Variants in SLTM observed in about 807,000 individuals in gnomAD.
SLTM encodes SAFB-like transcription modulator.
A neutral mutation model predicts 134.6 loss-of-function variants in SLTM; 43 were observed. The observed-to-expected ratio is 0.32, with a 90% CI of 0.25 to 0.41. SLTM has a LOEUF of 0.41. Among genes scored for constraint, SLTM ranks in the 10% least tolerant of loss-of-function variants. The pLI is 1.00. For missense variants in SLTM, 1,055 were observed against 1,288.8 expected, an observed-to-expected ratio of 0.82 and a Z score of 2.78; for synonymous variants, 424 against 432.3, an observed-to-expected ratio of 0.98 and a Z score of 0.24.
chr15:58,892,462 C>T (rs2140986839), intron 14 of SLTM, among the ~76,000 whole-genome samples: 1 of 152,306 alleles, frequency 6.6e-6, no homozygotes, highest in South Asian at 2.1e-4. Context: ...TATTTGAACA[C>T]TGTAGCTACT....
At chr15:58,926,207 G>C (rs1648107984) in intron 2 of SLTM, among the ~76,000 whole-genome samples, 1 of 152,124 alleles carries the variant, frequency 6.6e-6, no homozygotes, top group Admixed American at 6.5e-5. Flanking sequence ...ACTAAGACAA[G>C]TGAATCTATT....
chr15:58,930,745 AC>A (rs2037820082), intron 2 of SLTM, among the ~76,000 whole-genome samples: 1 of 148,310 alleles, frequency 6.7e-6, no homozygotes, highest in South Asian at 2.1e-4. Context: ...ATATATATAC[AC>A]CTATATATAA....
intron 14 of SLTM, among the ~76,000 whole-genome samples, chr15:58,890,903 T>C (rs115760510): frequency 1.5e-3 from 234 of 152,340 alleles, no homozygotes; most frequent in African/African-American, 5.3e-3. Flanking sequence ...TTTGGGATCA[T>C]AACAATGAAC....
intron 4 of SLTM, 145 bp from the exon 5 acceptor site, chr15:58,912,755 T>A (rs149366429): frequency 4.3e-4 from 266 of 616,956 alleles, no homozygotes; most frequent in African/African-American, 3.5e-3. Context: ...TGCTTAATAT[T>A]CAGACTATAT....
intron 20 of SLTM, among the ~76,000 whole-genome samples, chr15:58,880,970 A>C (rs2033650510): frequency 6.6e-6 from 1 of 152,170 alleles, no homozygotes; most frequent in Admixed American, 6.5e-5. Context: ...TTTATGTGTA[A>C]TGCAACAGAG....
intron 2 of SLTM, among the ~76,000 whole-genome samples, chr15:58,928,322 A>T (rs2037627167): frequency 6.6e-6 from 1 of 152,190 alleles, no homozygotes; most frequent in Admixed American, 6.5e-5. Flanking sequence ...CTGTTTAACT[A>T]CTTTTTAAAC....
At position 58,932,388 on chromosome 15, in the gene SLTM, T is replaced by C; in HGVS notation, c.218A>G (p.Asp73Gly). 6.2e-7 allele frequency: 1 copy of C among 1,613,658 alleles called. No homozygotes were observed. The highest frequency in any genetic ancestry group is 8.5e-7 in the Non-Finnish European group (1 of 1,179,598). The change falls in exon 2 of 21, where the codon GAT (aspartate) becomes GGT (glycine). Residue 73 changes from aspartate (D) to glycine (G), a missense_variant. Asp to Gly is a moderately conservative substitution (Grantham distance 94). This residue lies in a region of SLTM where 268 missense variants were observed against 284.3 expected (regional missense o/e 0.94). Coordinates refer to ENST00000380516, the MANE Select transcript of SLTM (RefSeq NM_024755.4). ...PDNIELTVST[D>G]TPNKKPTKGK... ...TTTAGTTGGTTTCTTGTTTGGAGTA[T>C]CAGTTGAAACAGTTAATTCAATATT... is the stretch of plus-strand genomic sequence containing the variant.
chr15:58,894,710 T>TTG (rs1555447374), intron 9 of SLTM, 128 bp from the exon 10 acceptor site: 102 of 927,512 alleles, frequency 1.1e-4, no homozygotes, highest in Non-Finnish European at 1.1e-4. Flanking sequence ...CTCATGTTTT[T>TTG]TTTTTTTTTT....
intron 2 of SLTM, 110 bp from the exon 3 acceptor site, chr15:58,917,109 A>G: frequency 1.0e-6 from 1 of 995,816 alleles, no homozygotes; most frequent in Non-Finnish European, 1.5e-6. Context: ...CTATCTGACA[A>G]AGCTAATGTC....
Position 58,890,467 on chromosome 15 carries a change from A to G in SLTM, c.1899-6T>C, listed in dbSNP as rs2034564506. ...TCTCTGCAATCTCTCTTCGTCTACC[A>G]AAAATCAGTATTTAGAAATACTTAA... On this transcript the variant is annotated splice_polypyrimidine_tract_variant and splice_region_variant and intron_variant, in intron 14 of 20. Coordinates refer to ENST00000380516, the MANE Select transcript of SLTM (RefSeq NM_024755.4). 6.2e-7 allele frequency: 1 copy of G among 1,611,714 alleles called. No homozygotes were observed. The highest frequency in any genetic ancestry group is 2.2e-5 in the East Asian group (1 of 44,876).
intron 19 of SLTM, among the ~76,000 whole-genome samples, chr15:58,886,218 AGTGTGTGTGT>A (rs60261686): frequency 0.16 from 19,865 of 124,356 alleles, 1,673 homozygotes; most frequent in East Asian, 0.34. Context: ...GAAAAAGAAG[AGTGTGTGTGT>A]GTGTGTGTGT....
At chr15:58,917,460 C>T (rs2036726242) in intron 2 of SLTM, among the ~76,000 whole-genome samples, 1 of 152,202 alleles carries the variant, frequency 6.6e-6, no homozygotes, top group Non-Finnish European at 1.5e-5. Context: ...CTTCATCTTA[C>T]AATCCATCAG....
intron 20 of SLTM, among the ~76,000 whole-genome samples, chr15:58,882,196 A>C (rs1201373117): frequency 2.7e-5 from 4 of 149,994 alleles, no homozygotes; most frequent in Non-Finnish European, 4.4e-5. Context: ...AAAAAAAACC[A>C]CACTTAGAAA....
Position 58,887,479 on chromosome 15 carries a change from C to G in SLTM, c.2437G>C (p.Asp813His), listed in dbSNP as rs2034315323. Residue 813 changes from aspartate to histidine, a missense_variant, in exon 18 of 21, where the codon GAT becomes CAT. Physicochemically the swap from Asp to His is moderately conservative, Grantham distance 81. Around this residue, in one of 3 missense-constraint regions of SLTM, gnomAD observed 776 missense variants for 962.2 expected, o/e 0.81. Coordinates refer to ENST00000380516, the MANE Select transcript of SLTM (RefSeq NM_024755.4). ...KKARPTARRE[D>H]PSFERYPKNF... ...TTGGGATATCTTTCGAAGCTTGGAT[C>G]TTCCCTTCGTGCAGTAGGTCGTGCT... The G allele has an allele frequency of 6.2e-7, 1 of 1,613,966 alleles. No homozygotes were observed. The highest frequency in any genetic ancestry group is 8.5e-7 in the Non-Finnish European group (1 of 1,180,008).
At position 58,886,983 on chromosome 15, in the gene SLTM, C is replaced by T. The variant is rs1182787896; in HGVS notation, c.2827G>A (p.Gly943Arg). 1.9e-6 allele frequency: 3 copies of T among 1,612,224 alleles called. No homozygotes were observed. The African/African-American group carries it at 4.0e-5, about 22-fold the overall frequency. ...CCTCCCGCAGCACTTACCTGTGATCCACCTCCTCGGTCTGTGATGACTCCT... is the reference window on the plus strand; with the variant it reads ...CCTCCCGCAGCACTTACCTGTGATCTACCTCCTCGGTCTGTGATGACTCCT... ...DRGVITDRGGGSQHYPEERHV... is the reference protein window; with the variant it reads ...DRGVITDRGGRSQHYPEERHV... The change falls in exon 19 of 21, where the codon GGA (glycine) becomes AGA (arginine). Residue 943 changes from glycine (G) to arginine (R), a missense_variant. Physicochemically the swap from Gly to Arg is moderately radical, Grantham distance 125 (BLOSUM62 -2). Around this residue, in one of 3 missense-constraint regions of SLTM, gnomAD observed 776 missense variants for 962.2 expected, o/e 0.81. Transcript: ENST00000380516.
chr15:58,914,092 C>T (rs2036465299), intron 3 of SLTM, among the ~76,000 whole-genome samples: 1 of 152,148 alleles, frequency 6.6e-6, no homozygotes, highest in South Asian at 2.1e-4. Flanking sequence ...AAGTTTATTT[C>T]TAATAATAAA....
At position 58,921,727 on chromosome 15, in the gene SLTM, C is replaced by T. The variant is rs564144532; in HGVS notation, c.251-4728G>A. ...TTGGCAACTTTTGGCTTGTTTTACA[C>T]ATCGTAAATTACAAACTTTACACAT... On this transcript the variant is annotated intron_variant, in intron 2 of 20. Transcript: ENST00000380516. 6.1e-4 allele frequency: 149 copies of T among 243,140 alleles called. 3 individuals are homozygous for T. Among genetic ancestry groups the T allele is most frequent in the South Asian group, 5.8e-3 (146 of 25,094 alleles). 15.1% of individuals were successfully genotyped at this position (243,140 alleles called of 1,614,324 possible).
chr15:58,902,774 A>T (rs1322240343), intron 5 of SLTM, among the ~76,000 whole-genome samples: 1 of 150,994 alleles, frequency 6.6e-6, no homozygotes, highest in Non-Finnish European at 1.5e-5. Context: ...ACCAGGCTGG[A>T]GTGCAGTGGC....
chr15:58,908,062 CT>C (rs71119416), intron 5 of SLTM, among the ~76,000 whole-genome samples: 31 of 134,978 alleles, frequency 2.3e-4, no homozygotes, highest in African/African-American at 4.3e-4. Flanking sequence ...CTTTTTCTTT[CT>C]TTTTTTTTTT....
Sources: allele counts gnomAD v4.1 joint callset (sites outside exome capture counted in the v4.1 genomes callset), GRCh38; gene constraint gnomAD v4.1.1; regional missense constraint gnomAD v4.1.1; transcripts MANE v1.5; gene names NCBI Gene and HGNC (gene_info 2026-07-23, HGNC 2026-07-21).